FSTL5: variants seen among roughly 807,000 people sequenced by gnomAD.
FSTL5 encodes the protein follistatin-related protein 5.
Under a neutral mutation model 89.1 loss-of-function variants are expected in FSTL5, and 62 were observed. The ratio of observed to expected loss-of-function variants is 0.70; its 90% CI spans 0.57 to 0.86. FSTL5 has a LOEUF of 0.86. FSTL5 is among the 40% of genes least tolerant of loss of function. The pLI is 0.00. For missense variants in FSTL5, 1,057 were observed against 1,001.6 expected (o/e 1.06, Z -0.75); for synonymous variants, 383 against 346.2 (o/e 1.11, Z -1.18).
chr4:162,111,473 T>C (rs941985127), intron 1 of FSTL5, 61 bp from the exon 2 acceptor site: 1 of 1,278,230 alleles, frequency 7.8e-7, no homozygotes, highest in African/African-American at 1.5e-5. Flanking sequence ...AAAACATGTA[T>C]CATGAAATAT....
chr4:161,592,288 T>C (rs1733846849), intron 7 of FSTL5, among the ~76,000 whole-genome samples: 1 of 152,076 alleles, frequency 6.6e-6, no homozygotes, highest in Admixed American at 6.6e-5. Context: ...TTATTATCAT[T>C]ATTATACATT....
At position 161,961,056 on chromosome 4, in the gene FSTL5, TTAGA is replaced by T. The variant is rs200402752; in HGVS notation, c.161-40408_161-40405del. ...TAAATATGCTTTAAATTTGTTTTAT[TTAGA>T]TATTTATTCTCAAAAGAAGAGCAAA... On this transcript the variant is annotated intron_variant, in intron 3 of 15. Transcript: ENST00000306100. 3.9e-3 allele frequency among the ~76,000 whole-genome samples: 590 copies of T among 152,254 alleles called. 8 individuals are homozygous for T. Among genetic ancestry groups the T allele is most frequent in the African/African-American group, 0.013 (559 of 41,562 alleles).
chr4:161,490,240 C>T (rs1043182097), intron 12 of FSTL5, among the ~76,000 whole-genome samples: 1 of 152,060 alleles, frequency 6.6e-6, no homozygotes, highest in Non-Finnish European at 1.5e-5. Flanking sequence ...GAAGATGGAA[C>T]ATCCGATATA....
intron 6 of FSTL5, among the ~76,000 whole-genome samples, chr4:161,729,756 A>G (rs1739543530): frequency 6.6e-6 from 1 of 152,200 alleles, no homozygotes; most frequent in Admixed American, 6.5e-5. Context: ...GTGTTTACGA[A>G]GAAGGTGGGC....
intron 13 of FSTL5, among the ~76,000 whole-genome samples, chr4:161,468,643 T>C (rs751516490): frequency 5.9e-5 from 9 of 152,178 alleles, no homozygotes; most frequent in Non-Finnish European, 7.4e-5. Flanking sequence ...TCAGTTCATT[T>C]GGTCAGTCAT....
intron 4 of FSTL5, among the ~76,000 whole-genome samples, chr4:161,890,102 T>C (rs1352680185): frequency 6.6e-6 from 1 of 152,204 alleles, no homozygotes; most frequent in Non-Finnish European, 1.5e-5. Flanking sequence ...TTTATTCCTC[T>C]TTTCTATCTG....
intron 6 of FSTL5, among the ~76,000 whole-genome samples, chr4:161,659,662 C>T (rs946910720): frequency 6.6e-6 from 1 of 152,014 alleles, no homozygotes; most frequent in African/African-American, 2.4e-5. Context: ...AAGCTGTAAT[C>T]CAATTTAAAA....
chr4:161,674,586 T>C (rs1314452020), intron 6 of FSTL5, among the ~76,000 whole-genome samples: 1 of 152,172 alleles, frequency 6.6e-6, no homozygotes, highest in Non-Finnish European at 1.5e-5. Flanking sequence ...ATTTTGGATG[T>C]TCTCCAGTCC....
At chr4:161,609,693 T>C (rs1734573637) in intron 7 of FSTL5, among the ~76,000 whole-genome samples, 1 of 152,050 alleles carries the variant, frequency 6.6e-6, no homozygotes, top group South Asian at 2.1e-4. Flanking sequence ...AGACATGAGA[T>C]TCATGGATCA....
intron 4 of FSTL5, among the ~76,000 whole-genome samples, chr4:161,872,849 T>C (rs1196164356): frequency 6.6e-6 from 1 of 152,152 alleles, no homozygotes; most frequent in Non-Finnish European, 1.5e-5. Flanking sequence ...AAACAATTAA[T>C]TATATGTACA....
At chr4:161,650,649 A>G (rs1736306669) in intron 7 of FSTL5, among the ~76,000 whole-genome samples, 1 of 152,200 alleles carries the variant, frequency 6.6e-6, no homozygotes, top group Non-Finnish European at 1.5e-5. Flanking sequence ...ATACCACTGA[A>G]TTTTATGACA....
chr4:162,050,696 G>C (rs1451322846), intron 2 of FSTL5, among the ~76,000 whole-genome samples: 2 of 151,198 alleles, frequency 1.3e-5, no homozygotes, highest in Non-Finnish European at 3.0e-5. Context: ...AAGAGAGACA[G>C]AGAGAGAAAC....
At chr4:162,072,042 C>T (rs1446595239) in intron 2 of FSTL5, among the ~76,000 whole-genome samples, 9 of 151,588 alleles carry the variant, frequency 5.9e-5, no homozygotes, top group East Asian at 5.8e-4. Flanking sequence ...TGACATATAA[C>T]GTCAATATCT....
intron 4 of FSTL5, among the ~76,000 whole-genome samples, chr4:161,882,983 G>T (rs952624356): frequency 2.0e-5 from 3 of 152,088 alleles, no homozygotes; most frequent in Non-Finnish European, 4.4e-5. Flanking sequence ...ATCTCATTGG[G>T]ATCAATAGTG....
chr4:161,942,048 A>G (rs1734603314), intron 3 of FSTL5, among the ~76,000 whole-genome samples: 1 of 152,018 alleles, frequency 6.6e-6, no homozygotes, highest in South Asian at 2.1e-4. Flanking sequence ...TCATGGCTAA[A>G]AGAAGAAATC....
At chr4:161,994,099 A>G (rs551225093) in intron 3 of FSTL5, among the ~76,000 whole-genome samples, 1 of 152,198 alleles carries the variant, frequency 6.6e-6, no homozygotes, top group Admixed American at 6.5e-5. Flanking sequence ...CTTTGTGTGA[A>G]TGAGTTTTCA....
At chr4:161,592,383 G>A (rs193028375) in intron 7 of FSTL5, among the ~76,000 whole-genome samples, 29 of 151,896 alleles carry the variant, frequency 1.9e-4, no homozygotes, top group African/African-American at 6.5e-4. Context: ...CCATCAACTC[G>A]TCATCTACAT....
rs10034618 is a variant in FSTL5, at chr4:161,778,987, G to A, written c.410-2913C>T. Among the ~76,000 whole-genome samples, 343 of 152,332 alleles carry A rather than the reference G, an allele frequency of 2.3e-3. 1 individual carries two copies. The highest frequency in any genetic ancestry group is 8.0e-3 in the African/African-American group (333 of 41,568). ...TTGCCTTCATTTCTATCAACTGCCA[G>A]TGGAAGCCATGTGGAACTGGAGGCT... On this transcript the variant is annotated intron_variant, in intron 4 of 15. Coordinates refer to ENST00000306100, the MANE Select transcript of FSTL5 (RefSeq NM_020116.5).
chr4:161,810,139 TA>T (rs534592301), intron 4 of FSTL5, among the ~76,000 whole-genome samples: 87 of 152,186 alleles, frequency 5.7e-4, no homozygotes, highest in African/African-American at 2.0e-3. Context: ...ACAAGTATAT[TA>T]AAAAAATTAA....
Sources: gnomAD v4.1 joint callset for allele counts (sites outside exome capture counted in the v4.1 genomes callset) on GRCh38, gnomAD v4.1.1 for gene constraint, MANE v1.5 for transcripts, NCBI Gene and HGNC (gene_info 2026-07-23, HGNC 2026-07-21) for gene names.